The following CYP7B1 variants were observed in gnomAD, a reference collection of about 807,000 sequenced individuals.
The protein encoded by CYP7B1 is cytochrome P450 family 7 subfamily B member 1.
A neutral mutation model predicts 42.7 loss-of-function variants in CYP7B1; 29 were observed. The ratio of observed to expected loss-of-function variants is 0.68; its 90% CI spans 0.51 to 0.93. The LOEUF (loss-of-function observed/expected upper bound fraction) is 0.93. Among genes scored for constraint, CYP7B1 ranks in the 40% least tolerant of loss-of-function variants. The probability of loss-of-function intolerance (pLI) is 0.00; values close to 1 mark genes in which losing one functional copy is unlikely to be tolerated. For synonymous variants in CYP7B1, 235 were observed against 218.2 expected (o/e 1.08, Z -0.68); for missense variants, 655 against 600.5 (o/e 1.09, Z -0.95).
intron 1 of CYP7B1, among the ~76,000 whole-genome samples, chr8:64,741,284 G>A (rs551619506): frequency 1.1e-4 from 16 of 152,062 alleles, no homozygotes; most frequent in South Asian, 6.2e-4. Context: ...TTTTCTTTGC[G>A]CATAACATGA....
intron 1 of CYP7B1, among the ~76,000 whole-genome samples, chr8:64,644,588 G>A (rs1805919297): frequency 6.6e-6 from 1 of 152,116 alleles, no homozygotes; most frequent in Non-Finnish European, 1.5e-5. Context: ...GAGCTCTTGG[G>A]TGACTAGGTG....
chr8:64,680,613 A>T (rs956542488), intron 1 of CYP7B1, among the ~76,000 whole-genome samples: 6 of 152,218 alleles, frequency 3.9e-5, no homozygotes, highest in Admixed American at 2.6e-4. Context: ...AACACAGAAA[A>T]TAAAGGTGGT....
intron 1 of CYP7B1, among the ~76,000 whole-genome samples, chr8:64,678,282 C>A (rs1366021996): frequency 6.6e-6 from 1 of 152,028 alleles, no homozygotes; most frequent in African/African-American, 2.4e-5. Flanking sequence ...TGTCTGCATA[C>A]AAGGTTGAGA....
chr8:64,613,163 T>C (rs1563542640), intron 4 of CYP7B1, among the ~76,000 whole-genome samples: 1 of 152,184 alleles, frequency 6.6e-6, no homozygotes, highest in East Asian at 1.9e-4. Flanking sequence ...CAGGTGGATC[T>C]AAACTTGCTT....
chr8:64,711,839 G>A (rs1010249577), intron 1 of CYP7B1, among the ~76,000 whole-genome samples: 2 of 152,190 alleles, frequency 1.3e-5, no homozygotes, highest in Non-Finnish European at 2.9e-5. Context: ...ACAATGTGCA[G>A]TGTAGCATGT....
chr8:64,798,423 G>T lies in CYP7B1; in HGVS notation c.122+43C>A. The T allele has an allele frequency of 1.4e-6, 2 of 1,459,624 alleles. 1 individual carries two copies. The highest frequency in any genetic ancestry group is 2.7e-5 in the South Asian group (2 of 72,732). 90.4% of individuals were successfully genotyped at this position (1,459,624 alleles called of 1,614,324 possible). ...GCCATCTGGGTCGCGCGCGGCCCGCGGGGCCCAGGGCGCATGCGTGGCCTG... is the reference window on the plus strand; with the variant it reads ...GCCATCTGGGTCGCGCGCGGCCCGCTGGGCCCAGGGCGCATGCGTGGCCTG... On this transcript the variant is annotated intron_variant, in intron 1 of 5. Transcript: ENST00000310193.
rs1804740812 is a variant in CYP7B1, at chr8:64,798,373, G to C, written c.122+93C>G. 4 of 1,402,410 alleles carry C rather than the reference G, an allele frequency of 2.9e-6. No homozygotes were observed. The East Asian group carries it at 1.2e-4, about 41-fold the overall frequency. 86.9% of individuals were successfully genotyped at this position (1,402,410 alleles called of 1,614,324 possible). On this transcript the variant is annotated intron_variant, in intron 1 of 5. Coordinates refer to ENST00000310193, the MANE Select transcript of CYP7B1 (RefSeq NM_004820.5). ...CAGCAAGTTCTGACTGTCTGCACTG[G>C]AAATCATGGAGGGGGACTCCCCTCG...
At chr8:64,693,061 G>C (rs1196970849) in intron 1 of CYP7B1, among the ~76,000 whole-genome samples, 1 of 152,232 alleles carries the variant, frequency 6.6e-6, no homozygotes, top group East Asian at 1.9e-4. Context: ...TCAGGGCAAT[G>C]ACCTTGTGGT....
At chr8:64,697,796 G>A (rs1311332217) in intron 1 of CYP7B1, among the ~76,000 whole-genome samples, 4 of 152,180 alleles carry the variant, frequency 2.6e-5, no homozygotes, top group Non-Finnish European at 2.9e-5. Context: ...ACCACTGATA[G>A]AAATGTCAGA....
chr8:64,704,257 A>G (rs1388428147), intron 1 of CYP7B1, among the ~76,000 whole-genome samples: 1 of 152,058 alleles, frequency 6.6e-6, no homozygotes, highest in Non-Finnish European at 1.5e-5. Flanking sequence ...TGGCTAGCCC[A>G]GTACAGAAAA....
At chr8:64,657,704 A>C (rs1198599799) in intron 1 of CYP7B1, among the ~76,000 whole-genome samples, 1 of 152,228 alleles carries the variant, frequency 6.6e-6, no homozygotes, top group East Asian at 1.9e-4. Context: ...ACAAAACATC[A>C]CCTGTAATCC....
intron 4 of CYP7B1, among the ~76,000 whole-genome samples, chr8:64,610,241 G>A (rs927953011): frequency 1.3e-5 from 2 of 152,000 alleles, no homozygotes; most frequent in East Asian, 1.9e-4. Flanking sequence ...GATGAACATC[G>A]AAATCAGTAT....
Position 64,691,488 on chromosome 8 carries a change from G to GGC in CYP7B1, c.123-66950_123-66949insGC, listed in dbSNP as rs1554532294. On this transcript the variant is annotated intron_variant, in intron 1 of 5. Coordinates refer to ENST00000310193, the MANE Select transcript of CYP7B1 (RefSeq NM_004820.5). ...GTATGGTTGCGATGGCAACTGGGGG[G>GGC]GGGGGGTGGTGGTTAAAGCTGGAAT... 4.0e-5 allele frequency among the ~76,000 whole-genome samples: 6 copies of GGC among 148,534 alleles called. 1 individual carries two copies. Among genetic ancestry groups the GGC allele is most frequent in the Non-Finnish European group, 8.9e-5 (6 of 67,274 alleles).
rs1007651962 is a variant in CYP7B1 at position 64,624,637 on chromosome 8, C to A, written c.123-98G>T. The A allele has an allele frequency of 5.1e-6, 7 of 1,363,898 alleles. No homozygotes were observed. The African/African-American group carries it at 8.7e-5, about 17-fold the overall frequency. 84.5% of individuals were successfully genotyped at this position (1,363,898 alleles called of 1,614,324 possible). On this transcript the variant is annotated intron_variant, in intron 1 of 5. Coordinates refer to ENST00000310193, the MANE Select transcript of CYP7B1 (RefSeq NM_004820.5). ...ATTTACTGAATCTAGAAGGTGACTG[C>A]ATGGATTGCACTGCTTCTTTCTATT...
chr8:64,783,515 TGAAA>T (rs971000556), intron 1 of CYP7B1, among the ~76,000 whole-genome samples: 3 of 151,318 alleles, frequency 2.0e-5, no homozygotes, highest in East Asian at 1.9e-4. Flanking sequence ...GTGAGAGGGC[TGAAA>T]GAGAGAAAAA....
intron 3 of CYP7B1, 21 bp downstream of exon 3, chr8:64,615,670 T>C: frequency 1.2e-6 from 2 of 1,603,048 alleles, no homozygotes; most frequent in East Asian, 2.2e-5. Flanking sequence ...TTTAGGCAAG[T>C]GCTCATTCAG....
At chr8:64,586,637 GGA>G (rs1804972459), downstream of CYP7B1, among the ~76,000 whole-genome samples, 1 of 152,140 alleles carries the variant, frequency 6.6e-6, no homozygotes, top group Admixed American at 6.5e-5. Flanking sequence ...AGCAGGAGTG[GGA>G]GGGAACAACT....
At chr8:64,654,901 G>T (rs1404990207) in intron 1 of CYP7B1, among the ~76,000 whole-genome samples, 5 of 152,130 alleles carry the variant, frequency 3.3e-5, no homozygotes, top group African/African-American at 1.2e-4. Flanking sequence ...TGACAAAGCT[G>T]ACAAAAACAA....
At chr8:64,735,670 G>C (rs1053664099) in intron 1 of CYP7B1, among the ~76,000 whole-genome samples, 2 of 152,068 alleles carry the variant, frequency 1.3e-5, no homozygotes, top group African/African-American at 4.8e-5. Context: ...ACGGGGAAGG[G>C]GGAGGTCCCA....
Sources: allele counts gnomAD v4.1 joint callset (sites outside exome capture counted in the v4.1 genomes callset), GRCh38; gene constraint gnomAD v4.1.1; transcripts MANE v1.5; gene names NCBI Gene and HGNC (gene_info 2026-07-23, HGNC 2026-07-21).